The following SNAP25 variants were observed in gnomAD, a reference collection of about 807,000 sequenced individuals.
SNAP25 encodes the protein synaptosome associated protein 25.
SNAP25 carries 3 observed loss-of-function variants against 28.7 expected under a neutral mutation model. The ratio of observed to expected loss-of-function variants is 0.10; its 90% CI spans 0.05 to 0.27. The LOEUF (loss-of-function observed/expected upper bound fraction) is 0.27, where lower values mean the gene tolerates loss of function less well. Among genes scored for constraint, SNAP25 ranks in the 10% least tolerant of loss-of-function variants. The pLI is 1.00. For missense variants in SNAP25, 117 were observed against 278.7 expected (o/e 0.42, Z 4.13); for synonymous variants, 61 against 88.1 (o/e 0.69, Z 1.72).
At chr20:10,232,339 A>G (rs1031862668) in intron 1 of SNAP25, among the ~76,000 whole-genome samples, 28 of 152,340 alleles carry the variant, frequency 1.8e-4, no homozygotes, top group African/African-American at 6.3e-4. Context: ...GTGGAGTGGC[A>G]TGGAGGAATG....
At chr20:10,261,243 TACAA>T (rs1261506095) in intron 1 of SNAP25, among the ~76,000 whole-genome samples, 1 of 152,168 alleles carries the variant, frequency 6.6e-6, no homozygotes, top group Non-Finnish European at 1.5e-5. Context: ...TTAAGGTAAC[TACAA>T]ACGAATGAGT....
rs1379520466 is a variant in SNAP25 at position 10,221,706 on chromosome 20, A to G, written c.-64+2729A>G. ...GCACAACCACACATGCACAAACACA[A>G]TGCAAACTACCCGTTAATTAGCTTG... On this transcript the variant is annotated intron_variant, in intron 1 of 7. Transcript: ENST00000254976. Among the ~76,000 whole-genome samples, 16 of 152,212 alleles carry G rather than the reference A, an allele frequency of 1.1e-4. 1 individual carries two copies. Among genetic ancestry groups the G allele is most frequent in the Admixed American group, 1.0e-3 (16 of 15,278 alleles).
chr20:10,237,581 C>CA (rs2062946562), intron 1 of SNAP25, among the ~76,000 whole-genome samples: 1 of 152,184 alleles, frequency 6.6e-6, no homozygotes, highest in African/African-American at 2.4e-5. Context: ...CTCGGACCTT[C>CA]ATTTATTCAC....
intron 4 of SNAP25, among the ~76,000 whole-genome samples, chr20:10,286,748 A>G (rs974569373): frequency 6.6e-6 from 1 of 152,138 alleles, no homozygotes; most frequent in East Asian, 1.9e-4. Context: ...AAAAAGTTTG[A>G]AAAAAAAGTT....
chr20:10,241,928 T>C (rs548769578), intron 1 of SNAP25, among the ~76,000 whole-genome samples: 4 of 152,124 alleles, frequency 2.6e-5, no homozygotes, highest in Non-Finnish European at 4.4e-5. Context: ...CAAGATACTC[T>C]GGATTGGAGT....
Position 10,293,029 on chromosome 20 carries a change from G to T in SNAP25, c.164-132G>T. ...GTACTGGGTACCAGCTCTAATCTGTGGCGTCCAGTTTTCTTTCTTTTTTTT... is the reference window on the plus strand; with the variant it reads ...GTACTGGGTACCAGCTCTAATCTGTTGCGTCCAGTTTTCTTTCTTTTTTTT... On this transcript the variant is annotated intron_variant, in intron 4 of 7. Transcript: ENST00000254976. This position sits in a 1 kb window ranked among gnomAD's most constrained non-coding sequence, Gnocchi z 5.6. 4 of 1,486,400 alleles carry T rather than the reference G, an allele frequency of 2.7e-6. No individual in the cohort carries two copies. Among genetic ancestry groups the T allele is most frequent in the Non-Finnish European group, 3.7e-6 (4 of 1,092,972 alleles). 92.1% of individuals were successfully genotyped at this position (1,486,400 alleles called of 1,614,324 possible). A position where few individuals can be genotyped will look rare whatever the true frequency, so the allele number is the denominator to read the frequency against.
At chr20:10,266,386 G>A (rs2063506861) in intron 1 of SNAP25, among the ~76,000 whole-genome samples, 1 of 152,204 alleles carries the variant, frequency 6.6e-6, no homozygotes, top group Non-Finnish European at 1.5e-5. Context: ...TGCCATTACA[G>A]TCAGGGAAAG....
At chr20:10,286,714 A>T (rs2063886800) in intron 4 of SNAP25, among the ~76,000 whole-genome samples, 1 of 152,226 alleles carries the variant, frequency 6.6e-6, no homozygotes, top group Admixed American at 6.5e-5. Flanking sequence ...ATAAATATAT[A>T]CCAATTGATC....
At chr20:10,233,473 T>C (rs1237253043) in intron 1 of SNAP25, among the ~76,000 whole-genome samples, 1 of 152,132 alleles carries the variant, frequency 6.6e-6, no homozygotes, top group African/African-American at 2.4e-5. Context: ...AAAGGGAGAA[T>C]CTCCTTCCTC....
At chr20:10,232,712 G>A (rs961314062) in intron 1 of SNAP25, among the ~76,000 whole-genome samples, 1 of 152,158 alleles carries the variant, frequency 6.6e-6, no homozygotes, top group South Asian at 2.1e-4. Context: ...TTCTCATAGA[G>A]CTTACCTTCT....
intron 1 of SNAP25, among the ~76,000 whole-genome samples, chr20:10,246,362 C>T (rs1568585606): frequency 6.6e-6 from 1 of 152,050 alleles, no homozygotes; most frequent in Non-Finnish European, 1.5e-5. Context: ...GGGGGTTGGC[C>T]TATTTATTGA....
chr20:10,288,361 A>T (rs935480254), intron 4 of SNAP25, among the ~76,000 whole-genome samples: 3 of 152,122 alleles, frequency 2.0e-5, no homozygotes, highest in Non-Finnish European at 4.4e-5. Flanking sequence ...TGACATAAAG[A>T]CATGGAAAAT....
intron 3 of SNAP25, among the ~76,000 whole-genome samples, chr20:10,279,630 T>A (rs1181436283): frequency 6.6e-6 from 1 of 152,252 alleles, no homozygotes; most frequent in East Asian, 1.9e-4. Context: ...AAAATGAGTA[T>A]CTGCTCTAAT....
intron 1 of SNAP25, among the ~76,000 whole-genome samples, chr20:10,269,230 T>C (rs1181261608): frequency 6.6e-6 from 1 of 151,898 alleles, no homozygotes; most frequent in Non-Finnish European, 1.5e-5. Flanking sequence ...GCCAACATGG[T>C]GAAACCCCAT....
chr20:10,236,818 G>A (rs1318263823), intron 1 of SNAP25, among the ~76,000 whole-genome samples: 2 of 152,006 alleles, frequency 1.3e-5, no homozygotes, highest in African/African-American at 4.8e-5. Context: ...ACTTCCATAG[G>A]GCATTCTGAT....
At position 10,275,463 on chromosome 20, in the gene SNAP25, C is replaced by T. The variant is rs762337374; in HGVS notation, c.-29C>T. 5.1e-6 allele frequency: 8 copies of T among 1,583,414 alleles called. No individual in the cohort carries two copies. The highest frequency in any genetic ancestry group is 6.0e-6 in the Non-Finnish European group (7 of 1,164,008). On this transcript the variant is annotated 5_prime_UTR_variant, in exon 2 of 8. Transcript: ENST00000254976. ...CAAACCCGTCACTGACCCCCCAGCC[C>T]AGGCGCCCAGCCACTCCCCACCGCT...
intron 4 of SNAP25, among the ~76,000 whole-genome samples, chr20:10,285,670 A>G (rs891175052): frequency 6.6e-6 from 1 of 152,188 alleles, no homozygotes; most frequent in African/African-American, 2.4e-5. Context: ...AACTCTAAGC[A>G]TAAATCTCAA....
At chr20:10,220,385 G>A (rs911693772) in intron 1 of SNAP25, among the ~76,000 whole-genome samples, 3 of 152,160 alleles carry the variant, frequency 2.0e-5, no homozygotes, top group Admixed American at 1.3e-4. Context: ...ACTGGTTATC[G>A]CAGGCTGATA....
chr20:10,276,373 T>C (rs2063691906), intron 2 of SNAP25, among the ~76,000 whole-genome samples: 1 of 152,236 alleles, frequency 6.6e-6, no homozygotes, highest in Admixed American at 6.5e-5. Flanking sequence ...ACTTGACTTA[T>C]TGTTTTGCTG....
Sources: allele counts gnomAD v4.1 joint callset (sites outside exome capture counted in the v4.1 genomes callset), GRCh38; gene constraint gnomAD v4.1.1; non-coding constraint Gnocchi (gnomAD v3.1); transcripts MANE v1.5; gene names NCBI Gene and HGNC (gene_info 2026-07-23, HGNC 2026-07-21).